The following RNF216 variants were observed in gnomAD, a reference collection of about 807,000 sequenced individuals.
RNF216 encodes the protein E3 ubiquitin-protein ligase RNF216.
In RNF216, 72 loss-of-function variants were observed where a neutral mutation model predicts 110.8. The observed-to-expected ratio is 0.65, with a 90% CI of 0.54 to 0.79. The LOEUF (loss-of-function observed/expected upper bound fraction) is 0.79, where lower values mean the gene tolerates loss of function less well. Ranked by LOEUF, RNF216 falls within the 30% of genes least tolerant of loss-of-function variation. The pLI is 0.00. For missense variants in RNF216, 1,342 were observed against 1,141.2 expected (o/e 1.18, Z -2.54); for synonymous variants, 495 against 407.5 (o/e 1.21, Z -2.59).
chr7:5,743,595 T>G lies in RNF216; in HGVS notation c.202-1780A>C, dbSNP rs573112111. Among the ~76,000 whole-genome samples, 15 of 152,320 alleles carry G rather than the reference T, an allele frequency of 9.8e-5. No homozygotes were observed. The South Asian group carries it at 3.1e-3, about 32-fold the overall frequency. ...CATACACAGAATGATTCCATTTACT[T>G]AAAATATGTCAATAAGACACAAACA... On this transcript the variant is annotated intron_variant, in intron 3 of 16. Coordinates refer to ENST00000389902, the MANE Select transcript of RNF216 (RefSeq NM_207111.4).
chr7:5,688,209 G>A (rs1176979879), intron 13 of RNF216, among the ~76,000 whole-genome samples: 3 of 152,120 alleles, frequency 2.0e-5, no homozygotes, highest in African/African-American at 7.2e-5. Flanking sequence ...GTCTTCTTTC[G>A]ATTACTTTTA....
chr7:5,674,400 G>A lies in RNF216; in HGVS notation c.2062-21890C>T, dbSNP rs961366387. On this transcript the variant is annotated intron_variant, in intron 13 of 16. Transcript: ENST00000389902. Reference sequence around the variant, plus strand: ...TCTCAAACTCCTGACCTCATGATCCGCCTGCCTCAGCCTCCCAAAGTGCTA... The same window carrying A: ...TCTCAAACTCCTGACCTCATGATCCACCTGCCTCAGCCTCCCAAAGTGCTA... Among the ~76,000 whole-genome samples, 9 of 150,596 alleles carry A rather than the reference G, an allele frequency of 6.0e-5. 1 individual carries two copies. Among genetic ancestry groups the A allele is most frequent in the Non-Finnish European group, 8.9e-5 (6 of 67,660 alleles).
intron 13 of RNF216, among the ~76,000 whole-genome samples, chr7:5,687,286 C>T (rs886691171): frequency 6.7e-6 from 1 of 149,010 alleles, no homozygotes; most frequent in African/African-American, 2.5e-5. Flanking sequence ...ATCTCAGCTA[C>T]TTGGGAGGCT....
chr7:5,715,188 A>T lies in RNF216; in HGVS notation c.1698T>A (p.Asp566Glu). ...LQMNEEQYQK[D>E]GQLIECRCCY... is the part of the protein sequence containing the mutation. Reference sequence around the variant, plus strand: ...AGCAGCGACACTCAATCAGCTGGCCATCCTGCAGGCAGTCAAGAAACACAC... The same window carrying T: ...AGCAGCGACACTCAATCAGCTGGCCTTCCTGCAGGCAGTCAAGAAACACAC... The change falls in exon 11 of 17, where the codon GAT becomes GAA. Residue 566 changes from aspartate (D) to glutamate (E), a missense_variant and splice_region_variant. Coordinates refer to ENST00000389902, the MANE Select transcript of RNF216 (RefSeq NM_207111.4). The T allele has an allele frequency of 6.2e-7, 1 of 1,612,722 alleles. No individual in the cohort carries two copies. Among genetic ancestry groups the T allele is most frequent in the Non-Finnish European group, 8.5e-7 (1 of 1,179,738 alleles).
chr7:5,632,913 T>C (rs2128560441), intron 15 of RNF216, among the ~76,000 whole-genome samples: 1 of 152,288 alleles, frequency 6.6e-6, no homozygotes, highest in South Asian at 2.1e-4. Context: ...CCAAATGCAG[T>C]GTCAAGGACA....
chr7:5,623,327 G>C, intron 16 of RNF216, 148 bp from the exon 17 acceptor site: 1 of 617,734 alleles, frequency 1.6e-6, no homozygotes, highest in Non-Finnish European at 2.6e-6. Flanking sequence ...AAATGCCACT[G>C]CAAGAAACCA....
intron 1 of RNF216, among the ~76,000 whole-genome samples, chr7:5,762,482 C>A (rs185163187): frequency 0.02 from 3,019 of 151,550 alleles, 47 homozygotes; most frequent in Non-Finnish European, 0.032. Flanking sequence ...ACGGTGAAAC[C>A]CCATCTCTAC....
At chr7:5,726,942 G>C (rs1277053637) in intron 7 of RNF216, among the ~76,000 whole-genome samples, 1 of 152,022 alleles carries the variant, frequency 6.6e-6, no homozygotes, top group African/African-American at 2.4e-5. Flanking sequence ...CGGAAGGAAG[G>C]GTGTGTGAGG....
At chr7:5,698,067 G>GA (rs1020415476) in intron 13 of RNF216, among the ~76,000 whole-genome samples, 71 of 151,662 alleles carry the variant, frequency 4.7e-4, no homozygotes, top group African/African-American at 1.5e-3. Context: ...AAATAAAACT[G>GA]AAAAAAAAGT....
In RNF216 at chr7:5,741,233, G is replaced by T; in HGVS notation, c.784C>A (p.Arg262Ser). Reference sequence around the variant, plus strand: ...GGGAATTCATGCTGAAACAACAAGCGGCCCAGTTCTGCTTCAGGCTGCCGT... The same window carrying T: ...GGGAATTCATGCTGAAACAACAAGCTGCCCAGTTCTGCTTCAGGCTGCCGT... ...QERQPEAELGRLLFQHEFPGP... is the reference protein window; with the variant it reads ...QERQPEAELGSLLFQHEFPGP... The change falls in exon 4 of 17, where the codon CGC becomes AGC. Residue 262 changes from arginine (R) to serine (S), a missense_variant. Transcript: ENST00000389902. 6.2e-7 allele frequency: 1 copy of T among 1,614,110 alleles called. No homozygotes were observed. The highest frequency in any genetic ancestry group is 1.1e-5 in the South Asian group (1 of 91,070).
At chr7:5,688,333 A>AT (rs1273269832) in intron 13 of RNF216, among the ~76,000 whole-genome samples, 1 of 152,210 alleles carries the variant, frequency 6.6e-6, no homozygotes, top group African/African-American at 2.4e-5. Context: ...AATCATAAAC[A>AT]AGGGGCTGCT....
chr7:5,723,125 T>A (rs559424954), intron 8 of RNF216, among the ~76,000 whole-genome samples: 1 of 152,264 alleles, frequency 6.6e-6, no homozygotes, highest in South Asian at 2.1e-4. Context: ...AAAATGATAA[T>A]AATGGCACAT....
intron 4 of RNF216, among the ~76,000 whole-genome samples, chr7:5,739,953 A>C (rs1794658976): frequency 6.6e-6 from 1 of 150,952 alleles, no homozygotes; most frequent in Non-Finnish European, 1.5e-5. Flanking sequence ...CAGTGAGCTG[A>C]GATCGCACCA....
chr7:5,720,098 C>T (rs571848038), intron 9 of RNF216, among the ~76,000 whole-genome samples: 1 of 152,318 alleles, frequency 6.6e-6, no homozygotes, highest in Admixed American at 6.5e-5. Flanking sequence ...ACGACACTGG[C>T]CTGATTCATG....
chr7:5,751,925 C>T (rs1795351773), intron 3 of RNF216, among the ~76,000 whole-genome samples: 1 of 150,998 alleles, frequency 6.6e-6, no homozygotes, highest in Non-Finnish European at 1.5e-5. Context: ...TAGTGGCTCA[C>T]GCCTATAATC....
intron 5 of RNF216, among the ~76,000 whole-genome samples, chr7:5,736,337 G>A (rs2128648085): frequency 6.6e-6 from 1 of 152,330 alleles, no homozygotes; most frequent in East Asian, 1.9e-4. Context: ...GGCCGGGCTG[G>A]TCTCCAGCTC....
At chr7:5,756,006 A>G (rs200949911) in intron 2 of RNF216, among the ~76,000 whole-genome samples, 1 of 152,088 alleles carries the variant, frequency 6.6e-6, no homozygotes, top group African/African-American at 2.4e-5. Context: ...TGTCCCCACC[A>G]AAAATCTCAT....
At chr7:5,634,929 C>G (rs779384547) in intron 15 of RNF216, among the ~76,000 whole-genome samples, 3 of 152,192 alleles carry the variant, frequency 2.0e-5, no homozygotes, top group Admixed American at 6.5e-5. Flanking sequence ...CAGCTTCATT[C>G]ATCCATGGGG....
intron 13 of RNF216, among the ~76,000 whole-genome samples, chr7:5,658,389 G>T (rs1311578819): frequency 6.6e-6 from 1 of 152,148 alleles, no homozygotes; most frequent in Non-Finnish European, 1.5e-5. Context: ...GGGCACAGTG[G>T]CTCATGCCTG....
Sources: allele counts gnomAD v4.1 joint callset (sites outside exome capture counted in the v4.1 genomes callset), GRCh38; gene constraint gnomAD v4.1.1; transcripts MANE v1.5; gene names NCBI Gene and HGNC (gene_info 2026-07-23, HGNC 2026-07-21).